The following UBN1 variants were observed in gnomAD, a reference collection of about 807,000 sequenced individuals.
UBN1 encodes the protein ubinuclein 1, also known as ubinuclein-1.
In UBN1, 17 loss-of-function variants were observed where a neutral mutation model predicts 108.5. The ratio of observed to expected loss-of-function variants is 0.16; its 90% CI spans 0.11 to 0.24. The LOEUF (loss-of-function observed/expected upper bound fraction) is 0.24. Ranked by LOEUF, UBN1 falls within the 10% of genes least tolerant of loss-of-function variation. The pLI, the probability that UBN1 is intolerant of heterozygous loss-of-function variation, is 1.00. For synonymous variants in UBN1, 726 were observed against 564.2 expected (o/e 1.29, Z -4.07); for missense variants, 1,595 against 1,394.4 (o/e 1.14, Z -2.29).
chr16:4,867,195 A>G (rs112619455), intron 7 of UBN1, among the ~76,000 whole-genome samples: 6 of 152,112 alleles, frequency 3.9e-5, no homozygotes, highest in African/African-American at 1.2e-4. Context: ...TTGGAGTGCA[A>G]TTATTAGAAG....
chr16:4,850,629 T>C lies in UBN1; in HGVS notation c.-39-2250T>C, dbSNP rs537776335. On this transcript the variant is annotated intron_variant, in intron 1 of 17. Transcript: ENST00000262376. Reference sequence around the variant, plus strand: ...GATGGTCTTTTGCAGCGCCAGCCTGTTACACTGCTAATCGTTTTGCCGCCT... The same window carrying C: ...GATGGTCTTTTGCAGCGCCAGCCTGCTACACTGCTAATCGTTTTGCCGCCT... Among the ~76,000 whole-genome samples the C allele has an allele frequency of 3.3e-4, 50 of 152,360 alleles. 3 individuals carry two copies. In the South Asian group the frequency reaches 6.8e-3, roughly 21 times the overall value.
At chr16:4,863,368 C>T (rs8064029) in intron 7 of UBN1, among the ~76,000 whole-genome samples, 20,796 of 151,972 alleles carry the variant, frequency 0.14, 1,601 homozygotes, top group East Asian at 0.24. Flanking sequence ...GCTCAGGACC[C>T]CTGATCCCAC....
chr16:4,873,097 A>G (rs767677917), intron 14 of UBN1, 24 bp downstream of exon 14: 29 of 1,614,002 alleles, frequency 1.8e-5, no homozygotes, highest in Non-Finnish European at 2.2e-5. Flanking sequence ...CTCGGGTCAC[A>G]TGTCAGCTAT....
In UBN1 at chr16:4,859,146, A is replaced by G. The variant is rs1425066031; in HGVS notation, c.554A>G (p.Lys185Arg). The G allele has an allele frequency of 6.2e-7, 1 of 1,613,314 alleles. No individual in the cohort carries two copies. ...GATGACTTCATTAAAGAAAAGAAGA[A>G]AAAATCTCCAAAGGTTAGAATGTGC... ...SEDDFIKEKK[K>R]KSPKKRKLKE... is the part of the protein sequence containing the mutation. Residue 185 changes from lysine to arginine, a missense_variant, in exon 5 of 18, where the codon AAA becomes AGA. This residue lies in a region of UBN1 where 1,398 missense variants were observed against 1,194.7 expected (regional missense o/e 1.17). Transcript: ENST00000262376.
In UBN1 at chr16:4,861,839, G is replaced by A. The variant is rs8055954; in HGVS notation, c.1110+737G>A. Among the ~76,000 whole-genome samples the A allele has an allele frequency of 6.2e-3, 937 of 152,334 alleles. 18 individuals carry two copies. The highest frequency in any genetic ancestry group is 0.022 in the African/African-American group (898 of 41,562). On this transcript the variant is annotated intron_variant, in intron 7 of 17. Coordinates refer to ENST00000262376, the MANE Select transcript of UBN1 (RefSeq NM_001079514.3). ...TCGCCGTAATCCCGGCTACTTGGGA[G>A]GCTGAGGCAGCAGAATCGCTTGAAC...
At chr16:4,865,299 A>C (rs1228081175) in intron 7 of UBN1, among the ~76,000 whole-genome samples, 1 of 152,236 alleles carries the variant, frequency 6.6e-6, no homozygotes, top group Non-Finnish European at 1.5e-5. Flanking sequence ...GTACTTTCTA[A>C]AATTACATAA....
At chr16:4,851,935 A>G (rs893157977) in intron 1 of UBN1, among the ~76,000 whole-genome samples, 3 of 152,230 alleles carry the variant, frequency 2.0e-5, no homozygotes, top group Non-Finnish European at 2.9e-5. Flanking sequence ...CAGATTTTGT[A>G]TATCTATAAT....
At chr16:4,852,492 T>C (rs2142113587) in intron 1 of UBN1, 1 of 156,062 alleles carries the variant, frequency 6.4e-6, no homozygotes, top group Non-Finnish European at 1.4e-5. Context: ...GATAGGAAAC[T>C]GCTGGTGATG....
intron 7 of UBN1, among the ~76,000 whole-genome samples, chr16:4,868,018 C>T (rs1237970165): frequency 6.6e-6 from 1 of 152,180 alleles, no homozygotes; most frequent in Non-Finnish European, 1.5e-5. Flanking sequence ...TGAGAGTGTG[C>T]ATTCCTGAAT....
rs2087814441 is a variant in UBN1, at chr16:4,875,040, C to T, written c.2630C>T (p.Ala877Val). The stretch of plus-strand genomic sequence containing the variant: ...AGCAGCAGCTCTCACAAGACCCCAG[C>T]CTCGTCCTCTTCTGCCCTGAGCCAT... ...ASSSSSHKTP[A>V]SSSSALSHPA... Residue 877 changes from alanine to valine, a missense_variant, in exon 15 of 18, where the codon GCC (alanine) becomes GTC (valine). Coordinates refer to ENST00000262376, the MANE Select transcript of UBN1 (RefSeq NM_001079514.3). 2 of 1,614,036 alleles carry T rather than the reference C, an allele frequency of 1.2e-6. No individual in the cohort carries two copies. Among genetic ancestry groups the T allele is most frequent in the Non-Finnish European group, 1.7e-6 (2 of 1,180,044 alleles).
chr16:4,857,563 C>G (rs1418425499), intron 2 of UBN1, among the ~76,000 whole-genome samples: 2 of 151,912 alleles, frequency 1.3e-5, no homozygotes, highest in Non-Finnish European at 2.9e-5. Flanking sequence ...ACTTGCACCA[C>G]ATTCAGTGGG....
chr16:4,878,613 C>G (rs1488642449), intron 17 of UBN1, among the ~76,000 whole-genome samples: 1 of 152,216 alleles, frequency 6.6e-6, no homozygotes, highest in African/African-American at 2.4e-5. Context: ...AGTGACTTCT[C>G]TACAGACTAG....
chr16:4,870,290 C>T lies in UBN1; in HGVS notation c.1260C>T (p.Cys420=). The change falls in exon 9 of 18, where the codon TGC becomes TGT. Residue 420 remains cysteine (C), a synonymous_variant. Transcript: ENST00000262376. The stretch of plus-strand genomic sequence containing the variant: ...CCTATCTTGCGTCATTCCTGCCCTG[C>T]AGCAAGGATGCCCTGCTCAAGCGTG... The part of the protein sequence containing the change: ...VYAYLASFLP[C]SKDALLKRAR... 6.2e-7 allele frequency: 1 copy of T among 1,614,236 alleles called. No homozygotes were observed. The highest frequency in any genetic ancestry group is 8.5e-7 in the Non-Finnish European group (1 of 1,180,040).
Position 4,868,782 on chromosome 16 carries a change from G to A in UBN1, c.1111-51G>A, listed in dbSNP as rs140067879. The A allele has an allele frequency of 3.2e-4, 504 of 1,588,130 alleles. 1 individual carries two copies. Among genetic ancestry groups the A allele is most frequent in the Non-Finnish European group, 2.7e-4 (313 of 1,159,676 alleles). Reference sequence around the variant, plus strand: ...TCCTGTGCCTGTGGGTGAGCGTAAGGGACATGTGGGGAAAGTGCACTAACG... The same window carrying A: ...TCCTGTGCCTGTGGGTGAGCGTAAGAGACATGTGGGGAAAGTGCACTAACG... On this transcript the variant is annotated intron_variant, in intron 7 of 17. Coordinates refer to ENST00000262376, the MANE Select transcript of UBN1 (RefSeq NM_001079514.3).
At position 4,870,185 on chromosome 16, in the gene UBN1, C is replaced by T. The variant is rs373047366; in HGVS notation, c.1182-27C>T. 198 of 1,613,502 alleles carry T rather than the reference C, an allele frequency of 1.2e-4. 2 individuals carry two copies. In the East Asian group the frequency reaches 3.7e-3, roughly 30 times the overall value. ...GACAGGAGTTGCAGTGAGCTGCAGC[C>T]GGTGGTGACTGTGTTTTGTTCTTCA... On this transcript the variant is annotated intron_variant, in intron 8 of 17. Transcript: ENST00000262376.
rs113062408 is a variant in UBN1 at position 4,875,043 on chromosome 16, C to T, written c.2633C>T (p.Ser878Leu). The T allele has an allele frequency of 1.0e-3, 1,619 of 1,614,008 alleles. 15 individuals carry two copies. In the African/African-American group the frequency reaches 0.019, roughly 19 times the overall value. The change falls in exon 15 of 18, where the codon TCG becomes TTG. Residue 878 changes from serine to leucine, a missense_variant. By Grantham distance (145) the Ser-to-Leu change is moderately radical (BLOSUM62 -2). This residue lies in a region of UBN1 where 1,398 missense variants were observed against 1,194.7 expected (regional missense o/e 1.17). Coordinates refer to ENST00000262376, the MANE Select transcript of UBN1 (RefSeq NM_001079514.3). The stretch of plus-strand genomic sequence containing the variant: ...AGCAGCTCTCACAAGACCCCAGCCT[C>T]GTCCTCTTCTGCCCTGAGCCATCCA... ...SSSSSHKTPA[S>L]SSSALSHPAK...
intron 17 of UBN1, among the ~76,000 whole-genome samples, chr16:4,878,006 A>C (rs897646056): frequency 6.6e-6 from 1 of 152,126 alleles, no homozygotes; most frequent in African/African-American, 2.4e-5. Context: ...AAATCTGTCC[A>C]AGTGTGAAAA....
intron 7 of UBN1, among the ~76,000 whole-genome samples, chr16:4,864,075 CTTTTTTTTTTT>C (rs796516323): frequency 4.5e-3 from 388 of 86,460 alleles, no homozygotes; most frequent in African/African-American, 0.019. Flanking sequence ...TTGTTGTTGC[CTTTTTTTTTTT>C]TTTTTTTTTT....
chr16:4,852,158 C>G (rs1025742095), intron 1 of UBN1: 9 of 152,154 alleles, frequency 5.9e-5, no homozygotes, highest in Admixed American at 3.9e-4. Flanking sequence ...AAGCAGGACA[C>G]AAAATTGTAT....
Sources: gnomAD v4.1 joint callset for allele counts (sites outside exome capture counted in the v4.1 genomes callset) on GRCh38, gnomAD v4.1.1 for gene constraint, gnomAD v4.1.1 regional missense constraint, MANE v1.5 for transcripts, NCBI Gene and HGNC (gene_info 2026-07-23, HGNC 2026-07-21) for gene names.